CPNE2: variants seen among roughly 807,000 people sequenced by gnomAD.
CPNE2 encodes copine-2.
Under a neutral mutation model 69.7 loss-of-function variants are expected in CPNE2, and 42 were observed. The observed-to-expected ratio is 0.60, with a 90% confidence interval of 0.47 to 0.78. The LOEUF is 0.78. Among genes scored for constraint, CPNE2 ranks in the 30% least tolerant of loss-of-function variants. The pLI is 0.00. For synonymous variants in CPNE2, 294 were observed against 289.8 expected, an observed-to-expected ratio of 1.01 and a Z score of -0.15; for missense variants, 587 against 732.0, an observed-to-expected ratio of 0.80 and a Z score of 2.29.
chr16:57,117,033 A>C (rs2069724025), intron 4 of CPNE2, among the ~76,000 whole-genome samples: 1 of 152,052 alleles, frequency 6.6e-6, no homozygotes, highest in Non-Finnish European at 1.5e-5. Flanking sequence ...ATGTGAACTG[A>C]TGGGACTCAG....
intron 7 of CPNE2, among the ~76,000 whole-genome samples, chr16:57,120,225 T>C (rs1340400342): frequency 6.7e-6 from 1 of 150,300 alleles, no homozygotes; most frequent in Non-Finnish European, 1.5e-5. Flanking sequence ...GAGCCCAGAT[T>C]GAGCCACTGC....
intron 1 of CPNE2, among the ~76,000 whole-genome samples, chr16:57,109,302 C>G (rs2069665657): frequency 6.6e-6 from 1 of 151,712 alleles, no homozygotes; most frequent in African/African-American, 2.4e-5. Flanking sequence ...GTGGTGAAAC[C>G]TCGTCTCTAC....
rs111930061 is a variant in CPNE2 at position 57,094,529 on chromosome 16, A to G, written c.-36+1739A>G. ...CTGGACCCCATCTGGTCCTCCTCCCAGTCCTCAGTTTTTATATCTATACAC... is the reference window on the plus strand; with the variant it reads ...CTGGACCCCATCTGGTCCTCCTCCCGGTCCTCAGTTTTTATATCTATACAC... On this transcript the variant is annotated intron_variant, in intron 1 of 15. Coordinates refer to ENST00000290776, the MANE Select transcript of CPNE2 (RefSeq NM_152727.6). 6.2e-3 allele frequency among the ~76,000 whole-genome samples: 937 copies of G among 152,298 alleles called. 9 individuals are homozygous for G. The highest frequency in any genetic ancestry group is 0.016 in the African/African-American group (671 of 41,552).
chr16:57,119,727 C>A (rs1597497093), intron 7 of CPNE2, 77 bp downstream of exon 7: 17 of 977,698 alleles, frequency 1.7e-5, no homozygotes, highest in Non-Finnish European at 2.6e-5. Context: ...CCCGGGGATG[C>A]CTTGTAGAAA....
At chr16:57,118,311 G>A (rs8057954) in intron 5 of CPNE2, among the ~76,000 whole-genome samples, 97,321 of 148,162 alleles carry the variant, frequency 0.66, 32,706 homozygotes, top group Admixed American at 0.78. Context: ...GACTACAGGC[G>A]CCTGCCACCA....
At chr16:57,103,075 G>T (rs1434324368) in intron 1 of CPNE2, among the ~76,000 whole-genome samples, 2 of 152,026 alleles carry the variant, frequency 1.3e-5, no homozygotes, top group Non-Finnish European at 2.9e-5. Flanking sequence ...AGGCAACCAC[G>T]CCCCTTTCTT....
chr16:57,138,068 CCT>C (rs1392727868), intron 14 of CPNE2, among the ~76,000 whole-genome samples: 2 of 152,288 alleles, frequency 1.3e-5, no homozygotes, highest in Admixed American at 6.5e-5. Context: ...CTTCTCAGCC[CCT>C]GACTCAGCCC....
intron 12 of CPNE2, 100 bp from the exon 13 acceptor site, chr16:57,134,675 C>T: frequency 7.8e-7 from 1 of 1,276,898 alleles, no homozygotes. Flanking sequence ...GGGTTATGAG[C>T]CGGTGCTCTC....
chr16:57,127,966 G>A, intron 12 of CPNE2, 63 bp downstream of exon 12: 4 of 1,544,552 alleles, frequency 2.6e-6, no homozygotes, highest in Non-Finnish European at 3.6e-6. Context: ...TGGCCTCTCG[G>A]GGATCAGCTC....
rs763898029 is a variant in CPNE2 at position 57,125,821 on chromosome 16, C to T, written c.928-39C>T. On this transcript the variant is annotated intron_variant, in intron 10 of 15. Coordinates refer to ENST00000290776, the MANE Select transcript of CPNE2 (RefSeq NM_152727.6). ...TGGGAGTGGGATAGGGTGCTGGGGT[C>T]TCTGGCCCCACTGGGTGGCCTTTTT... 1.9e-6 allele frequency: 3 copies of T among 1,612,722 alleles called. No individual in the cohort carries two copies. The South Asian group carries it at 3.3e-5, about 18-fold the overall frequency.
At chr16:57,102,005 G>A (rs2069617360) in intron 1 of CPNE2, among the ~76,000 whole-genome samples, 1 of 151,000 alleles carries the variant, frequency 6.6e-6, no homozygotes, top group Non-Finnish European at 1.5e-5. Context: ...GGAGTGCAGT[G>A]GCATGATCAC....
chr16:57,101,933 G>A (rs1230821543), intron 1 of CPNE2, among the ~76,000 whole-genome samples: 1 of 151,560 alleles, frequency 6.6e-6, no homozygotes, highest in Non-Finnish European at 1.5e-5. Context: ...TGGGCCCAGC[G>A]TGCTGCATTT....
At chr16:57,127,343 G>A (rs1226977134) in intron 11 of CPNE2, among the ~76,000 whole-genome samples, 1 of 152,180 alleles carries the variant, frequency 6.6e-6, no homozygotes, top group Non-Finnish European at 1.5e-5. Context: ...AATAGCAAGT[G>A]GCCAGTGGCC....
At chr16:57,102,822 G>C in intron 1 of CPNE2, among the ~76,000 whole-genome samples, 1 of 151,812 alleles carries the variant, frequency 6.6e-6, no homozygotes, top group East Asian at 1.9e-4. Flanking sequence ...GGCTAGTCTT[G>C]AGCTCCCGAC....
Position 57,096,581 on chromosome 16 carries a change from C to T in CPNE2, c.-36+3791C>T, listed in dbSNP as rs1040009918. 4.6e-5 allele frequency among the ~76,000 whole-genome samples: 7 copies of T among 151,992 alleles called. No homozygotes were observed. In the South Asian group the frequency reaches 1.5e-3, roughly 32 times the overall value. Reference sequence around the variant, plus strand: ...GGGTGTTGTGGTGCATGCCTGTAGTCCCAACTACTTGGGAGACTGAGGTGG... The same window carrying T: ...GGGTGTTGTGGTGCATGCCTGTAGTTCCAACTACTTGGGAGACTGAGGTGG... On this transcript the variant is annotated intron_variant, in intron 1 of 15. Transcript: ENST00000290776.
intron 1 of CPNE2, among the ~76,000 whole-genome samples, chr16:57,098,944 G>GT (rs764116248): frequency 2.0e-4 from 30 of 152,152 alleles, no homozygotes; most frequent in South Asian, 4.1e-4. Context: ...TGGTTTTGGT[G>GT]TTTTTTGTTT....
chr16:57,120,379 C>T (rs2069752862), intron 7 of CPNE2, among the ~76,000 whole-genome samples: 1 of 151,696 alleles, frequency 6.6e-6, no homozygotes, highest in Non-Finnish European at 1.5e-5. Context: ...TTGAGACCAC[C>T]CTGGCCTCTC....
intron 1 of CPNE2, among the ~76,000 whole-genome samples, chr16:57,101,701 AG>A (rs2069614843): frequency 1.3e-5 from 2 of 152,194 alleles, no homozygotes; most frequent in African/African-American, 4.8e-5. Flanking sequence ...GTGTGGTTCC[AG>A]GGGGGCAGCC....
At chr16:57,098,452 C>T (rs8049827) in intron 1 of CPNE2, among the ~76,000 whole-genome samples, 5,874 of 152,232 alleles carry the variant, frequency 0.039, 359 homozygotes, top group African/African-American at 0.13. Context: ...AATGGGCATG[C>T]GGCAAGGGCC....
Sources: gnomAD v4.1 joint callset for allele counts (sites outside exome capture counted in the v4.1 genomes callset) on GRCh38, gnomAD v4.1.1 for gene constraint, MANE v1.5 for transcripts, NCBI Gene and HGNC (gene_info 2026-07-23, HGNC 2026-07-21) for gene names.